Variants in PRKCB observed in about 807,000 individuals in gnomAD.
PRKCB encodes protein kinase C beta type.
In PRKCB, 13 loss-of-function variants were observed where a neutral mutation model predicts 81.5. The observed-to-expected ratio is 0.16, with a 90% CI of 0.10 to 0.25. The LOEUF is 0.25. Among genes scored for constraint, PRKCB ranks in the 10% least tolerant of loss-of-function variants. PRKCB has a pLI of 1.00. For missense variants in PRKCB, 509 were observed against 875.7 expected (o/e 0.58, Z 5.29); for synonymous variants, 335 against 321.4 (o/e 1.04, Z -0.45).
intron 2 of PRKCB, among the ~76,000 whole-genome samples, chr16:23,889,352 G>A (rs1963255480): frequency 6.6e-6 from 1 of 152,196 alleles, no homozygotes; most frequent in Non-Finnish European, 1.5e-5. Context: ...TAATAACAGA[G>A]CCTACCTTAC....
chr16:24,152,884 G>C (rs896994799), intron 9 of PRKCB, among the ~76,000 whole-genome samples: 1 of 152,082 alleles, frequency 6.6e-6, no homozygotes, highest in Non-Finnish European at 1.5e-5. Context: ...AGGTTAAAAA[G>C]AGTTCTCTTG....
chr16:23,837,078 A>G (rs952626258), intron 1 of PRKCB: 2 of 475,058 alleles, frequency 4.2e-6, no homozygotes, highest in Admixed American at 7.6e-5. Flanking sequence ...TGCTCGGGGC[A>G]TCTATGGGTA....
At chr16:24,123,032 T>C (rs923710777) in intron 8 of PRKCB, among the ~76,000 whole-genome samples, 4 of 152,202 alleles carry the variant, frequency 2.6e-5, no homozygotes, top group Non-Finnish European at 5.9e-5. Flanking sequence ...GAATGAGAAA[T>C]ATTCCGTGTC....
chr16:23,930,498 G>A (rs1963957090), intron 2 of PRKCB, among the ~76,000 whole-genome samples: 1 of 152,052 alleles, frequency 6.6e-6, no homozygotes, highest in African/African-American at 2.4e-5. Flanking sequence ...GGACCCAGGA[G>A]GTCGAGGCTT....
At chr16:23,973,512 T>C (rs1485598130) in intron 2 of PRKCB, among the ~76,000 whole-genome samples, 2 of 151,852 alleles carry the variant, frequency 1.3e-5, no homozygotes, top group Admixed American at 1.3e-4. Context: ...TGTTGTCACA[T>C]TTAATCCCAG....
At chr16:23,912,145 A>G (rs1224447780) in intron 2 of PRKCB, among the ~76,000 whole-genome samples, 1 of 151,898 alleles carries the variant, frequency 6.6e-6, no homozygotes, top group Non-Finnish European at 1.5e-5. Flanking sequence ...CCACCCCTTT[A>G]TACCCTCCAG....
At chr16:24,153,489 T>A (rs1176364311) in intron 9 of PRKCB, among the ~76,000 whole-genome samples, 1 of 152,214 alleles carries the variant, frequency 6.6e-6, no homozygotes, top group Non-Finnish European at 1.5e-5. Context: ...GATTCTTTCT[T>A]CCTCCAGGAA....
chr16:24,024,115 G>A (rs1965444819), intron 3 of PRKCB, among the ~76,000 whole-genome samples: 1 of 152,128 alleles, frequency 6.6e-6, no homozygotes, highest in African/African-American at 2.4e-5. Context: ...TGTTTCTCCA[G>A]GTTCCTCAGA....
chr16:23,843,019 T>C (rs1384371403), intron 2 of PRKCB, among the ~76,000 whole-genome samples: 1 of 152,224 alleles, frequency 6.6e-6, no homozygotes, highest in Non-Finnish European at 1.5e-5. Context: ...ATGACATGAA[T>C]CCAACCATTC....
At chr16:23,838,878 G>T (rs1223155748) in intron 2 of PRKCB, among the ~76,000 whole-genome samples, 1 of 152,202 alleles carries the variant, frequency 6.6e-6, no homozygotes, top group African/African-American at 2.4e-5. Flanking sequence ...GACTCCTCAA[G>T]TCTCTTTAAG....
chr16:24,039,469 A>T (rs542233806), intron 5 of PRKCB, among the ~76,000 whole-genome samples: 1 of 152,276 alleles, frequency 6.6e-6, no homozygotes, highest in South Asian at 2.1e-4. Flanking sequence ...ACCTCAAGTG[A>T]TCCGCCCGCC....
At chr16:24,146,367 G>T (rs1355073627) in intron 9 of PRKCB, among the ~76,000 whole-genome samples, 1 of 152,196 alleles carries the variant, frequency 6.6e-6, no homozygotes, top group Non-Finnish European at 1.5e-5. Context: ...GCTAAGTTAA[G>T]GTGTGCACTA....
intron 5 of PRKCB, among the ~76,000 whole-genome samples, chr16:24,070,943 C>G (rs1966099993): frequency 6.6e-6 from 1 of 152,130 alleles, no homozygotes; most frequent in Non-Finnish European, 1.5e-5. Flanking sequence ...CAGATGAAGT[C>G]AGGAAAGGCT....
chr16:24,174,645 T>G, intron 12 of PRKCB, 65 bp downstream of exon 12: 1 of 1,387,796 alleles, frequency 7.2e-7, no homozygotes, highest in East Asian at 2.3e-5. Flanking sequence ...CCCTGCCTCT[T>G]TCTTCAGCTG....
intron 5 of PRKCB, among the ~76,000 whole-genome samples, chr16:24,047,975 G>A (rs1596527455): frequency 6.6e-6 from 1 of 152,204 alleles, no homozygotes; most frequent in African/African-American, 2.4e-5. Context: ...GGTGAGGGAA[G>A]GGAGGAGGGC....
intron 5 of PRKCB, among the ~76,000 whole-genome samples, chr16:24,058,757 G>T (rs1224280813): frequency 6.6e-6 from 1 of 152,202 alleles, no homozygotes; most frequent in Non-Finnish European, 1.5e-5. Flanking sequence ...AGAAGAGCTT[G>T]CTCAAGCATG....
At chr16:24,086,620 C>A (rs1471010798) in intron 5 of PRKCB, among the ~76,000 whole-genome samples, 1 of 152,166 alleles carries the variant, frequency 6.6e-6, no homozygotes. Flanking sequence ...TTCTTGGAAA[C>A]TGTAAAAGCA....
chr16:24,014,158 CT>C (rs1456784249), intron 3 of PRKCB, among the ~76,000 whole-genome samples: 1 of 152,104 alleles, frequency 6.6e-6, no homozygotes, highest in Admixed American at 6.6e-5. Flanking sequence ...CTGGCAGCGG[CT>C]TTGCAAGTTG....
chr16:23,974,604 G>A (rs1445355115), intron 2 of PRKCB, among the ~76,000 whole-genome samples: 4 of 152,228 alleles, frequency 2.6e-5, no homozygotes, highest in African/African-American at 4.8e-5. Context: ...AGAGTGCAGG[G>A]AGCTGCTTGG....
Sources: gnomAD v4.1 joint callset for allele counts (sites outside exome capture counted in the v4.1 genomes callset) on GRCh38, gnomAD v4.1.1 for gene constraint, MANE v1.5 for transcripts, NCBI Gene and HGNC (gene_info 2026-07-23, HGNC 2026-07-21) for gene names.